Variants in PLBD2 observed in about 807,000 individuals in gnomAD.
PLBD2 encodes the protein phospholipase B domain containing 2, also known as putative aminopeptidase PLBD2.
Under a neutral mutation model 68.3 loss-of-function variants are expected in PLBD2, and 51 were observed. That is an observed-to-expected ratio of 0.75 (90% CI 0.60 to 0.94). The LOEUF (loss-of-function observed/expected upper bound fraction) is 0.94, where lower values mean the gene tolerates loss of function less well. Among genes scored for constraint, PLBD2 ranks in the 40% least tolerant of loss-of-function variants. PLBD2 has a pLI of 0.00. For missense variants in PLBD2, 729 were observed against 792.2 expected, an observed-to-expected ratio of 0.92 and a Z score of 0.96; for synonymous variants, 314 against 339.3, an observed-to-expected ratio of 0.93 and a Z score of 0.82.
rs1361881010 is a variant in PLBD2 at position 113,382,834 on chromosome 12, T to TG, written c.958-1271_958-1270insG. 8.5e-4 allele frequency among the ~76,000 whole-genome samples: 111 copies of TG among 130,444 alleles called. 1 individual carries two copies. Among genetic ancestry groups the TG allele is most frequent in the East Asian group, 4.0e-3 (18 of 4,446 alleles). 85.6% of individuals were successfully genotyped at this position (130,444 alleles called of 152,430 possible). ...GTGGGGGTGGTGGTGGTGGTGGTTT[T>TG]TTGTGTGTGTGTGTGTGTGTGTGTG... On this transcript the variant is annotated intron_variant, in intron 6 of 11. Transcript: ENST00000280800.
Position 113,384,029 on chromosome 12 carries a change from G to T in PLBD2, c.958-76G>T. On this transcript the variant is annotated intron_variant, in intron 6 of 11. Coordinates refer to ENST00000280800, the MANE Select transcript of PLBD2 (RefSeq NM_173542.4). This position sits in a 1 kb window ranked among gnomAD's most constrained non-coding sequence, Gnocchi z 4.2. ...AAAAAAAAAAAAAAAAATTTTTGGAGCCATGACTGATGAAGTACTGCCACT... is the reference window on the plus strand; with the variant it reads ...AAAAAAAAAAAAAAAAATTTTTGGATCCATGACTGATGAAGTACTGCCACT... 8.9e-7 allele frequency: 1 copy of T among 1,128,458 alleles called. No individual in the cohort carries two copies. The highest frequency in any genetic ancestry group is 1.2e-6 in the Non-Finnish European group (1 of 839,844). The allele number at this position is 1,128,458 out of a possible 1,614,324, so 69.9% of individuals were successfully genotyped here.
rs1172704625 is a variant in PLBD2, at chr12:113,369,449, T to G, written c.384+240T>G. Among the ~76,000 whole-genome samples the G allele has an allele frequency of 2.0e-5, 3 of 152,304 alleles. No homozygotes were observed. The East Asian group carries it at 5.8e-4, about 29-fold the overall frequency. The stretch of plus-strand genomic sequence containing the variant: ...ACTTCTTATAAAGCTCAATAACAAG[T>G]AAAGCAAAATAGTATGTTGTTCAGG... On this transcript the variant is annotated intron_variant, in intron 2 of 11. Transcript: ENST00000280800.
chr12:113,385,147 C>T, intron 8 of PLBD2, 65 bp from the exon 9 acceptor site: 2 of 1,544,952 alleles, frequency 1.3e-6, no homozygotes, highest in Non-Finnish European at 8.9e-7. Flanking sequence ...GCTCCCCGAG[C>T]AGGGCAGTGC....
chr12:113,385,298 A>C lies in PLBD2; in HGVS notation c.1286+15A>C. ...TACAACATACCGTGCGTGCCTTCTC[A>C]CTCCGCTCCCCGTCACCCTCCAGGG... On this transcript the variant is annotated intron_variant, in intron 9 of 11. Transcript: ENST00000280800. 1 of 1,610,794 alleles carries C rather than the reference A, an allele frequency of 6.2e-7. No homozygotes were observed. The highest frequency in any genetic ancestry group is 1.7e-5 in the Admixed American group (1 of 59,834).
intron 2 of PLBD2, among the ~76,000 whole-genome samples, chr12:113,371,317 G>C (rs1214201972): frequency 6.6e-6 from 1 of 152,230 alleles, no homozygotes; most frequent in African/African-American, 2.4e-5. Context: ...ATGGGCAGGT[G>C]AATGGCTGAC....
intron 1 of PLBD2, among the ~76,000 whole-genome samples, chr12:113,362,347 T>G (rs1593277675): frequency 6.7e-6 from 1 of 149,512 alleles, no homozygotes. Flanking sequence ...AAAAAAAGGC[T>G]GAGATAGGAG....
chr12:113,383,917 T>C (rs529580193), intron 6 of PLBD2, among the ~76,000 whole-genome samples, 188 bp from the exon 7 acceptor site: 2 of 148,388 alleles, frequency 1.3e-5, no homozygotes, highest in East Asian at 4.0e-4. Context: ...GAAAATTGCT[T>C]GAACTTGGGA....
rs559058981 is a variant in PLBD2 at position 113,391,540 on chromosome 12, T to G, written c.*2914T>G. On this transcript the variant is annotated 3_prime_UTR_variant, in exon 12 of 12. Coordinates refer to ENST00000280800, the MANE Select transcript of PLBD2 (RefSeq NM_173542.4). Reference sequence around the variant, plus strand: ...TGTGAAGTTTACATTGACTAGATAGTAAACAAAATAAATGAAATATGCAGT... The same window carrying G: ...TGTGAAGTTTACATTGACTAGATAGGAAACAAAATAAATGAAATATGCAGT... 6 of 152,338 alleles carry G rather than the reference T, an allele frequency of 3.9e-5. No individual in the cohort carries two copies. The East Asian group carries it at 1.2e-3, about 29-fold the overall frequency. 9.4% of individuals were successfully genotyped at this position (152,338 alleles called of 1,614,324 possible).
intron 3 of PLBD2, among the ~76,000 whole-genome samples, chr12:113,373,587 T>A (rs535532441): frequency 6.6e-6 from 1 of 150,518 alleles, no homozygotes; most frequent in South Asian, 2.1e-4. Flanking sequence ...CATCCATGCA[T>A]CCATCCATCC....
intron 1 of PLBD2, among the ~76,000 whole-genome samples, chr12:113,360,125 G>A (rs1426346659): frequency 6.6e-6 from 1 of 152,190 alleles, no homozygotes; most frequent in Non-Finnish European, 1.5e-5. Flanking sequence ...GGCACTTGGG[G>A]GGTACATCAA....
intron 3 of PLBD2, 98 bp from the exon 4 acceptor site, chr12:113,374,376 T>C: frequency 2.5e-6 from 2 of 811,694 alleles, no homozygotes; most frequent in South Asian, 3.3e-5. Flanking sequence ...CCTCCTGCTC[T>C]GTCTGAACCC....
intron 6 of PLBD2, among the ~76,000 whole-genome samples, chr12:113,382,857 GTGTGTGTGTGTTTTT>G (rs1259779477): frequency 6.9e-5 from 9 of 131,114 alleles, no homozygotes; most frequent in African/African-American, 8.9e-5. Flanking sequence ...GTGTGTGTGT[GTGTGTGTGTGTTTTT>G]TTTTTTTTTT....
intron 1 of PLBD2, among the ~76,000 whole-genome samples, chr12:113,365,605 G>C (rs1481147077): frequency 6.6e-6 from 1 of 152,012 alleles, no homozygotes; most frequent in African/African-American, 2.4e-5. Context: ...GAGCCACCGA[G>C]CCCTGGCCAT....
intron 9 of PLBD2, 130 bp downstream of exon 9, chr12:113,385,413 A>G: frequency 2.4e-6 from 2 of 830,010 alleles, no homozygotes; most frequent in Non-Finnish European, 1.9e-6. Flanking sequence ...TTTTCTGGCC[A>G]GGAGAGCCCA....
chr12:113,362,345 G>A (rs1202548892), intron 1 of PLBD2, among the ~76,000 whole-genome samples: 2 of 151,670 alleles, frequency 1.3e-5, no homozygotes, highest in Non-Finnish European at 2.9e-5. Context: ...AAAAAAAAAG[G>A]CTGAGATAGG....
At chr12:113,371,253 C>T (rs536534791) in intron 2 of PLBD2, among the ~76,000 whole-genome samples, 7 of 152,238 alleles carry the variant, frequency 4.6e-5, no homozygotes, top group African/African-American at 1.4e-4. Flanking sequence ...AGGTGACCCA[C>T]GGACATGCAC....
intron 3 of PLBD2, 114 bp from the exon 4 acceptor site, chr12:113,374,360 C>G (rs1330538688): frequency 1.5e-6 from 1 of 684,198 alleles, no homozygotes; most frequent in South Asian, 1.8e-5. Context: ...GGAGGGTACC[C>G]CCGGGCCTCC....
intron 1 of PLBD2, among the ~76,000 whole-genome samples, chr12:113,367,662 A>C (rs890263538): frequency 6.6e-6 from 1 of 150,630 alleles, no homozygotes; most frequent in Non-Finnish European, 1.5e-5. Context: ...AGGTGGAAGG[A>C]TAGTTTGAGC....
chr12:113,358,665 C>T lies in PLBD2; in HGVS notation c.65C>T (p.Ala22Val), dbSNP rs1249741595. Residue 22 changes from alanine to valine, a missense_variant, in exon 1 of 12, where the codon GCG becomes GTG. Physicochemically the swap from Ala to Val is moderately conservative, Grantham distance 64. Coordinates refer to ENST00000280800, the MANE Select transcript of PLBD2 (RefSeq NM_173542.4). ...GCCCGGGCGCTGACGCGGGCGCTGG[C>T]GCTGGCCCTGGTGCTGGCCCTGCTG... ...HLARALTRAL[A>V]LALVLALLVG... 6.8e-7 allele frequency: 1 copy of T among 1,460,032 alleles called. No individual in the cohort carries two copies. Among genetic ancestry groups the T allele is most frequent in the South Asian group, 1.3e-5 (1 of 74,464 alleles). 90.4% of individuals were successfully genotyped at this position (1,460,032 alleles called of 1,614,324 possible). A position where few individuals can be genotyped will look rare whatever the true frequency, so the allele number is the denominator to read the frequency against.
Sources: gnomAD v4.1 joint callset for allele counts (sites outside exome capture counted in the v4.1 genomes callset) on GRCh38, gnomAD v4.1.1 for gene constraint, Gnocchi (gnomAD v3.1) non-coding constraint, MANE v1.5 for transcripts, NCBI Gene and HGNC (gene_info 2026-07-23, HGNC 2026-07-21) for gene names.